Variants in NXN observed in about 807,000 individuals in gnomAD.
NXN encodes the protein nucleoredoxin, also known as nucleoredoxin 1.
NXN carries 16 observed loss-of-function variants against 48.6 expected under a neutral mutation model. That is an observed-to-expected ratio of 0.33 (90% CI 0.22 to 0.50). The LOEUF is 0.50. Ranked by LOEUF, NXN falls within the 20% of genes least tolerant of loss-of-function variation. The pLI is 0.98. For synonymous variants in NXN, 281 were observed against 269.6 expected, an observed-to-expected ratio of 1.04 and a Z score of -0.41; for missense variants, 492 against 605.5, an observed-to-expected ratio of 0.81 and a Z score of 1.97.
intron 1 of NXN, among the ~76,000 whole-genome samples, chr17:906,851 C>T (rs1422110853): frequency 2.0e-5 from 3 of 151,884 alleles, no homozygotes; most frequent in Non-Finnish European, 1.5e-5. Flanking sequence ...GGATTACAGG[C>T]GTGAGCCACC....
intron 1 of NXN, among the ~76,000 whole-genome samples, chr17:923,647 T>C (rs1409543670): frequency 1.3e-5 from 2 of 152,270 alleles, no homozygotes; most frequent in African/African-American, 2.4e-5. Flanking sequence ...TGCAGGACAC[T>C]GCGTCCAGCA....
At chr17:812,294 AC>A (rs1275649453) in intron 5 of NXN, among the ~76,000 whole-genome samples, 1 of 152,192 alleles carries the variant, frequency 6.6e-6, no homozygotes, top group African/African-American at 2.4e-5. Context: ...CCACAAAATG[AC>A]CAGCAGATCA....
At chr17:878,953 T>G (rs1164874934) in intron 1 of NXN, among the ~76,000 whole-genome samples, 14 of 151,634 alleles carry the variant, frequency 9.2e-5, no homozygotes, top group Admixed American at 9.2e-4. Context: ...TCACCTGAGG[T>G]CAGGAGTTCA....
chr17:921,883 C>T (rs115679519), intron 1 of NXN, among the ~76,000 whole-genome samples: 2 of 152,328 alleles, frequency 1.3e-5, no homozygotes, highest in Non-Finnish European at 2.9e-5. Flanking sequence ...CTGGGCTCTA[C>T]CTGCCCGCAG....
At chr17:881,800 T>C (rs972205731) in intron 1 of NXN, among the ~76,000 whole-genome samples, 13 of 152,170 alleles carry the variant, frequency 8.5e-5, no homozygotes, top group Admixed American at 1.3e-4. Flanking sequence ...CAAACTGATG[T>C]ATACAAAAAC....
intron 1 of NXN, among the ~76,000 whole-genome samples, chr17:914,656 G>A (rs2068668753): frequency 6.6e-6 from 1 of 152,216 alleles, no homozygotes; most frequent in Non-Finnish European, 1.5e-5. Flanking sequence ...CGGAGACAAA[G>A]ATGAGGAGCA....
intron 1 of NXN, among the ~76,000 whole-genome samples, chr17:915,812 G>A (rs200477050): frequency 4.7e-4 from 59 of 125,448 alleles, no homozygotes; most frequent in African/African-American, 1.3e-3. Flanking sequence ...TAAAATGGGC[G>A]GCCACTTATG....
chr17:947,937 G>C (rs1305373593), intron 1 of NXN, among the ~76,000 whole-genome samples: 1 of 150,056 alleles, frequency 6.7e-6, no homozygotes, highest in Non-Finnish European at 1.5e-5. Flanking sequence ...TGTACTCCCA[G>C]CTACTCGGGA....
intron 1 of NXN, among the ~76,000 whole-genome samples, chr17:959,785 ACT>A (rs1366378006): frequency 2.2e-5 from 2 of 89,954 alleles, no homozygotes; most frequent in African/African-American, 7.6e-5. Flanking sequence ...CAAGAGCGAG[ACT>A]CTGTATAAAA....
intron 1 of NXN, among the ~76,000 whole-genome samples, chr17:841,252 C>T (rs1019088627): frequency 3.3e-5 from 5 of 152,220 alleles, no homozygotes; most frequent in African/African-American, 1.2e-4. Context: ...CATGCCAGGG[C>T]AACAGGCCCC....
chr17:955,701 C>G (rs2096431190), intron 1 of NXN, among the ~76,000 whole-genome samples: 1 of 150,316 alleles, frequency 6.7e-6, no homozygotes, highest in Non-Finnish European at 1.5e-5. Context: ...TTGAGACCAT[C>G]CTGGCTAACA....
intron 1 of NXN, chr17:842,583 C>A: frequency 1.0e-6 from 1 of 985,272 alleles, no homozygotes; most frequent in Non-Finnish European, 1.2e-6. Flanking sequence ...GGGGGCCCGT[C>A]TCCTCCTCCT....
chr17:874,528 G>A (rs2068193824), intron 1 of NXN, among the ~76,000 whole-genome samples: 1 of 152,248 alleles, frequency 6.6e-6, no homozygotes, highest in Non-Finnish European at 1.5e-5. Flanking sequence ...AGGCTGCGGT[G>A]AGCCGAGATC....
intron 5 of NXN, among the ~76,000 whole-genome samples, chr17:812,621 GGTGA>G (rs1912145887): frequency 6.7e-6 from 1 of 149,034 alleles, no homozygotes; most frequent in African/African-American, 2.6e-5. Context: ...TGTGAGTGTA[GGTGA>G]GTGTAGGTGT....
At chr17:975,145 C>A (rs1364017791) in intron 1 of NXN, among the ~76,000 whole-genome samples, 2 of 152,096 alleles carry the variant, frequency 1.3e-5, no homozygotes, top group Non-Finnish European at 2.9e-5. Flanking sequence ...GGACTGTTGT[C>A]CTTTATTACT....
rs1348692414 is a variant in NXN, at chr17:801,012, G to A, written c.1245C>T (p.Pro415=). The change falls in exon 8 of 8, where the codon CCC becomes CCT. Residue 415 remains proline (P), a synonymous_variant. Coordinates refer to ENST00000336868, the MANE Select transcript of NXN (RefSeq NM_022463.5). ...KYVMDVEEIT[P]AIVEAFVNDF... ...CATTCACAAAGGCCTCCACGATGGCGGGGGTGATCTCCTCCACGTCCATCA... is the reference window on the plus strand; with the variant it reads ...CATTCACAAAGGCCTCCACGATGGCAGGGGTGATCTCCTCCACGTCCATCA... The A allele has an allele frequency of 2.1e-5, 33 of 1,565,816 alleles. No individual in the cohort carries two copies. The highest frequency in any genetic ancestry group is 1.7e-4 in the Middle Eastern group (1 of 5,936).
At chr17:927,003 G>C (rs2068806611) in intron 1 of NXN, among the ~76,000 whole-genome samples, 1 of 151,554 alleles carries the variant, frequency 6.6e-6, no homozygotes, top group Non-Finnish European at 1.5e-5. Flanking sequence ...AAGGAGTATA[G>C]AAAAGGGAGG....
At chr17:858,683 C>T (rs944929904) in intron 1 of NXN, among the ~76,000 whole-genome samples, 12 of 151,416 alleles carry the variant, frequency 7.9e-5, no homozygotes, top group African/African-American at 1.7e-4. Flanking sequence ...GAGACAAGAT[C>T]GCGCCACTGC....
chr17:853,717 ATATATAT>A (rs1469025435), intron 1 of NXN, among the ~76,000 whole-genome samples: 1 of 92,632 alleles, frequency 1.1e-5, no homozygotes, highest in African/African-American at 5.6e-5. Flanking sequence ...ATATATATAT[ATATATAT>A]TTTTTTTTTT....
Sources: allele counts gnomAD v4.1 joint callset (sites outside exome capture counted in the v4.1 genomes callset), GRCh38; gene constraint gnomAD v4.1.1; transcripts MANE v1.5; gene names NCBI Gene and HGNC (gene_info 2026-07-23, HGNC 2026-07-21).